Variants in RAB5IF observed in about 807,000 individuals in gnomAD.
RAB5IF encodes the protein RAB5 interacting factor.
Under a neutral mutation model 20.3 loss-of-function variants are expected in RAB5IF, and 15 were observed. That is an observed-to-expected ratio of 0.74 (90% CI 0.50 to 1.14). The LOEUF is 1.14. Among genes scored for constraint, RAB5IF ranks in the 50% most tolerant of loss-of-function variants. The probability of loss-of-function intolerance (pLI) is 0.00; values close to 1 mark genes in which losing one functional copy is unlikely to be tolerated. For synonymous variants in RAB5IF, 67 were observed against 63.7 expected, an observed-to-expected ratio of 1.05 and a Z score of -0.25; for missense variants, 148 against 159.5, an observed-to-expected ratio of 0.93 and a Z score of 0.39.
At chr20:36,609,239 ACACACACACACACACAC>A (rs1272454880) in intron 2 of RAB5IF, among the ~76,000 whole-genome samples, 142 of 130,656 alleles carry the variant, frequency 1.1e-3, no homozygotes, top group African/African-American at 4.7e-3. Flanking sequence ...ACACACACAC[ACACACACACACACACAC>A]TATATATAGA....
chr20:36,612,489 G>A lies in RAB5IF; in HGVS notation c.*438G>A. 2.0e-6 allele frequency: 1 copy of A among 508,906 alleles called. No homozygotes were observed. The highest frequency in any genetic ancestry group is 3.6e-6 in the Non-Finnish European group (1 of 280,578). 31.5% of individuals were successfully genotyped at this position (508,906 alleles called of 1,614,324 possible). A position where few individuals can be genotyped will look rare whatever the true frequency, so the allele number is the denominator to read the frequency against. On this transcript the variant is annotated 3_prime_UTR_variant, in exon 4 of 4. Transcript: ENST00000344795. ...CGTGGTCCATAGCACAGTACATGCA[G>A]CATCTAATAAGAGTTTCCATTGTAG...
rs1568595361 is a variant in RAB5IF, at chr20:36,609,180, C to CAGAACTATATTACAT, written c.219-420_219-419insGAACTATATTACATA. Among the ~76,000 whole-genome samples, 24 of 35,420 alleles carry CAGAACTATATTACAT rather than the reference C, an allele frequency of 6.8e-4. 1 individual carries two copies. The highest frequency in any genetic ancestry group is 9.1e-4 in the Non-Finnish European group (17 of 18,620). 23.2% of individuals were successfully genotyped at this position (35,420 alleles called of 152,430 possible). The stretch of plus-strand genomic sequence containing the variant: ...TTACACACACACACACACACACACA[C>CAGAACTATATTACAT]ACACACACACACACGCACACACGCA... On this transcript the variant is annotated intron_variant, in intron 2 of 3. Coordinates refer to ENST00000344795, the MANE Select transcript of RAB5IF (RefSeq NM_018840.5).
intron 2 of RAB5IF, among the ~76,000 whole-genome samples, chr20:36,608,489 C>G (rs2147958370): frequency 6.6e-6 from 1 of 151,846 alleles, no homozygotes; most frequent in East Asian, 1.9e-4. Flanking sequence ...AAGTGATCCT[C>G]CTTTCTTGGC....
In RAB5IF at chr20:36,612,508, A is replaced by G; in HGVS notation, c.*457A>G. The G allele has an allele frequency of 4.4e-6, 2 of 449,970 alleles. No individual in the cohort carries two copies. The highest frequency in any genetic ancestry group is 4.9e-5 in the South Asian group (2 of 40,454). The allele number at this position is 449,970 out of a possible 1,614,324, so 27.9% of individuals were successfully genotyped here. On this transcript the variant is annotated 3_prime_UTR_variant, in exon 4 of 4. Coordinates refer to ENST00000344795, the MANE Select transcript of RAB5IF (RefSeq NM_018840.5). ...CATGCAGCATCTAATAAGAGTTTCC[A>G]TTGTAGAATGTTTTCACATACTTGA...
At chr20:36,607,255 G>A (rs1307723594) in intron 1 of RAB5IF, among the ~76,000 whole-genome samples, 2 of 144,598 alleles carry the variant, frequency 1.4e-5, no homozygotes, top group Non-Finnish European at 3.0e-5. Flanking sequence ...ATGTCTAAAT[G>A]TATCTTTTTT....
At chr20:36,606,088 C>A (rs2038926786) in intron 1 of RAB5IF, 23 bp downstream of exon 1, 3 of 1,354,818 alleles carry the variant, frequency 2.2e-6, no homozygotes, top group Non-Finnish European at 9.8e-7. Flanking sequence ...CTGAACAGGG[C>A]GCGGGTGCGA....
intron 1 of RAB5IF, among the ~76,000 whole-genome samples, chr20:36,606,868 G>C (rs1413043575): frequency 2.0e-5 from 3 of 152,200 alleles, no homozygotes; most frequent in Non-Finnish European, 4.4e-5. Flanking sequence ...TTGGTTTTCT[G>C]GGCTGCCGAA....
rs200403038 is a variant in RAB5IF, at chr20:36,609,215, ACACG to A, written c.219-382_219-379del. 4.9e-3 allele frequency among the ~76,000 whole-genome samples: 376 copies of A among 77,210 alleles called. 5 individuals carry two copies. The highest frequency in any genetic ancestry group is 0.016 in the Admixed American group (120 of 7,326). The allele number at this position is 77,210 out of a possible 152,430, so 50.7% of individuals were successfully genotyped here. A position where few individuals can be genotyped will look rare whatever the true frequency, so the allele number is the denominator to read the frequency against. On this transcript the variant is annotated intron_variant, in intron 2 of 3. Coordinates refer to ENST00000344795, the MANE Select transcript of RAB5IF (RefSeq NM_018840.5). ...CACACGCACACACGCACACACGCAC[ACACG>A]CACACACACACACACACACACACAC...
intron 2 of RAB5IF, among the ~76,000 whole-genome samples, chr20:36,608,494 C>T (rs973827079): frequency 6.6e-6 from 1 of 150,456 alleles, no homozygotes; most frequent in Non-Finnish European, 1.5e-5. Flanking sequence ...ATCCTCCTTT[C>T]TTGGCCTCTC....
chr20:36,611,830 C>G (rs2039129676), intron 3 of RAB5IF, among the ~76,000 whole-genome samples, 180 bp from the exon 4 acceptor site: 2 of 152,092 alleles, frequency 1.3e-5, no homozygotes, highest in Admixed American at 1.3e-4. Flanking sequence ...GAGGGCAGTC[C>G]TGGGTTCTGT....
chr20:36,606,304 G>T (rs978600425), intron 1 of RAB5IF, among the ~76,000 whole-genome samples: 1 of 152,240 alleles, frequency 6.6e-6, no homozygotes, highest in South Asian at 2.1e-4. Context: ...GGCGAGGAGC[G>T]GGGAGAGGCG....
In RAB5IF at chr20:36,612,050, G is replaced by A. The variant is rs771447581; in HGVS notation, c.389G>A (p.Ter130=). The A allele has an allele frequency of 6.2e-7, 1 of 1,614,146 alleles. No individual in the cohort carries two copies. The highest frequency in any genetic ancestry group is 8.5e-7 in the Non-Finnish European group (1 of 1,180,040). ...TTTTACACTGCCATCCATTATGACTGATGGTGTACAGCTCCCAAGTGCTCC... is the reference window on the plus strand; with the variant it reads ...TTTTACACTGCCATCCATTATGACTAATGGTGTACAGCTCCCAAGTGCTCC... ...IIFYTAIHYD[*] Residue 130 remains the stop codon, a stop_retained_variant, in exon 4 of 4, where the codon TGA becomes TAA. Coordinates refer to ENST00000344795, the MANE Select transcript of RAB5IF (RefSeq NM_018840.5).
chr20:36,607,770 G>C lies in RAB5IF; in HGVS notation c.170G>C (p.Gly57Ala). ...WFRQIIAVVLGVIWGVLPLRG... is the reference protein window; with the variant it reads ...WFRQIIAVVLAVIWGVLPLRG... ...CGACAGATCATTGCTGTGGTCCTGG[G>C]TGTCATTTGGGGAGTTTTGCCATTA... Residue 57 changes from glycine to alanine, a missense_variant, in exon 2 of 4, where the codon GGT becomes GCT. By Grantham distance (60) the Gly-to-Ala change is moderately conservative. Coordinates refer to ENST00000344795, the MANE Select transcript of RAB5IF (RefSeq NM_018840.5). 6.2e-7 allele frequency: 1 copy of C among 1,614,066 alleles called. No homozygotes were observed. Among genetic ancestry groups the C allele is most frequent in the Non-Finnish European group, 8.5e-7 (1 of 1,179,960 alleles).
chr20:36,606,285 T>C (rs1205468363), intron 1 of RAB5IF, among the ~76,000 whole-genome samples: 10 of 152,192 alleles, frequency 6.6e-5, no homozygotes. Context: ...CCCCTAGTTA[T>C]GCGGAATTGG....
intron 2 of RAB5IF, among the ~76,000 whole-genome samples, chr20:36,609,197 ACACACGCACACACGCACACACG>A (rs1568595498): frequency 0.019 from 1,052 of 54,512 alleles, 260 homozygotes; most frequent in Middle Eastern, 0.045. Context: ...ACACACACGC[ACACACGCACACACGCACACACG>A]CACACACACA....
rs1297646321 is a variant in RAB5IF, at chr20:36,612,335, T to C, written c.*284T>C. On this transcript the variant is annotated 3_prime_UTR_variant, in exon 4 of 4. Transcript: ENST00000344795. Reference sequence around the variant, plus strand: ...AGCTATTATTTGCCAAGTGGAGCTGTCATTTAATTTGATGCACCTCTGGAT... The same window carrying C: ...AGCTATTATTTGCCAAGTGGAGCTGCCATTTAATTTGATGCACCTCTGGAT... 2.1e-6 allele frequency: 2 copies of C among 974,688 alleles called. No homozygotes were observed. Among genetic ancestry groups the C allele is most frequent in the Non-Finnish European group, 3.2e-6 (2 of 620,578 alleles). The allele number at this position is 974,688 out of a possible 1,614,324, so 60.4% of individuals were successfully genotyped here.
chr20:36,612,109 A>G lies in RAB5IF; in HGVS notation c.*58A>G. On this transcript the variant is annotated 3_prime_UTR_variant, in exon 4 of 4. Transcript: ENST00000344795. The stretch of plus-strand genomic sequence containing the variant: ...TCCAAAGGACCCTCTTGATTACAGC[A>G]CAGGAACTTGATCGTTGGGGAACCC... 2 of 1,614,188 alleles carry G rather than the reference A, an allele frequency of 1.2e-6. No individual in the cohort carries two copies. The highest frequency in any genetic ancestry group is 2.2e-5 in the South Asian group (2 of 91,074).
In RAB5IF at chr20:36,609,644, A is replaced by C. The variant is rs752410462; in HGVS notation, c.262A>C (p.Asn88His). 3 of 1,613,280 alleles carry C rather than the reference A, an allele frequency of 1.9e-6. No individual in the cohort carries two copies. Among genetic ancestry groups the C allele is most frequent in the South Asian group, 1.1e-5 (1 of 90,998 alleles). Residue 88 changes from asparagine (N) to histidine (H), a missense_variant, in exon 3 of 4, where the codon AAT (asparagine) becomes CAT (histidine). Physicochemically the swap from Asn to His is moderately conservative, Grantham distance 68 (BLOSUM62 1). Transcript: ENST00000344795. The stretch of plus-strand genomic sequence containing the variant: ...AGGAGTCCTGTACCTCTACTTCAGC[A>C]ATTACCTACAGATTGATGAGGAAGA... ...NAGVLYLYFSNYLQIDEEEYG... is the reference protein window; with the variant it reads ...NAGVLYLYFSHYLQIDEEEYG...
At chr20:36,611,492 T>C (rs1269198938) in intron 3 of RAB5IF, among the ~76,000 whole-genome samples, 54 of 55,890 alleles carry the variant, frequency 9.7e-4, no homozygotes, top group Admixed American at 3.1e-3. Flanking sequence ...CCAGCAGGAC[T>C]CAAAAAAAAA....
Sources: allele counts gnomAD v4.1 joint callset (sites outside exome capture counted in the v4.1 genomes callset), GRCh38; gene constraint gnomAD v4.1.1; transcripts MANE v1.5; gene names NCBI Gene and HGNC (gene_info 2026-07-23, HGNC 2026-07-21).